Variants in ARHGAP12 observed in about 807,000 individuals in gnomAD.
ARHGAP12 encodes the protein rho GTPase-activating protein 12.
A neutral mutation model predicts 108.6 loss-of-function variants in ARHGAP12; 64 were observed. The ratio of observed to expected loss-of-function variants is 0.59; its 90% CI spans 0.48 to 0.73. The LOEUF (loss-of-function observed/expected upper bound fraction) is 0.73. Ranked by LOEUF, ARHGAP12 falls within the 30% of genes least tolerant of loss-of-function variation. The pLI is 0.00. For missense variants in ARHGAP12, 940 were observed against 1,005.9 expected (o/e 0.93, Z 0.89); for synonymous variants, 312 against 337.2 (o/e 0.93, Z 0.82).
At chr10:31,926,413 TAC>T (rs1258442401) in intron 1 of ARHGAP12, among the ~76,000 whole-genome samples, 1 of 151,898 alleles carries the variant, frequency 6.6e-6, no homozygotes, top group Non-Finnish European at 1.5e-5. Flanking sequence ...CGATTTGAAG[TAC>T]AGTGATGCTA....
At chr10:31,919,542 C>T (rs1181699268) in intron 1 of ARHGAP12, among the ~76,000 whole-genome samples, 4 of 152,094 alleles carry the variant, frequency 2.6e-5, no homozygotes, top group African/African-American at 9.7e-5. Flanking sequence ...CCTGTAATCC[C>T]AGCACTTTGG....
intron 7 of ARHGAP12, among the ~76,000 whole-genome samples, chr10:31,841,842 T>A (rs954201742): frequency 8.5e-5 from 13 of 152,142 alleles, no homozygotes; most frequent in Non-Finnish European, 1.3e-4. Flanking sequence ...CCTTATCACA[T>A]ATTAGCTAGT....
intron 3 of ARHGAP12, among the ~76,000 whole-genome samples, chr10:31,881,386 T>A (rs903853867): frequency 6.6e-6 from 1 of 152,020 alleles, no homozygotes; most frequent in Non-Finnish European, 1.5e-5. Context: ...AAAAAAAACA[T>A]AAAATATCAA....
At chr10:31,912,818 T>C (rs548689841) in intron 1 of ARHGAP12, among the ~76,000 whole-genome samples, 1 of 152,022 alleles carries the variant, frequency 6.6e-6, no homozygotes, top group Non-Finnish European at 1.5e-5. Context: ...GAAAGCCACA[T>C]AGCAGGAACT....
chr10:31,857,155 G>A (rs1836918251), intron 4 of ARHGAP12, among the ~76,000 whole-genome samples: 1 of 152,134 alleles, frequency 6.6e-6, no homozygotes, highest in Non-Finnish European at 1.5e-5. Flanking sequence ...GTTTGGGCAG[G>A]TGAAGGGAGA....
chr10:31,927,827 G>A (rs1840112377), intron 1 of ARHGAP12, among the ~76,000 whole-genome samples: 1 of 152,242 alleles, frequency 6.6e-6, no homozygotes. Flanking sequence ...AGGGTCTGCA[G>A]TCACTTAAGA....
chr10:31,835,216 AAG>A (rs34977698), intron 9 of ARHGAP12, among the ~76,000 whole-genome samples: 30,725 of 143,720 alleles, frequency 0.21, 3,588 homozygotes, highest in Non-Finnish European at 0.28. Context: ...AAAAAAAAAA[AAG>A]AAAAAAATTT....
chr10:31,895,072 T>A (rs1035596269), intron 3 of ARHGAP12, among the ~76,000 whole-genome samples: 6 of 152,196 alleles, frequency 3.9e-5, no homozygotes, highest in African/African-American at 1.4e-4. Flanking sequence ...CTGGATCCCT[T>A]CCTTATACCT....
chr10:31,870,164 A>T (rs1314623938), intron 3 of ARHGAP12, among the ~76,000 whole-genome samples: 2 of 152,144 alleles, frequency 1.3e-5, no homozygotes, highest in Non-Finnish European at 2.9e-5. Flanking sequence ...CATATACAGA[A>T]AAAGACATTT....
intron 10 of ARHGAP12, among the ~76,000 whole-genome samples, chr10:31,831,068 T>C (rs1248457075): frequency 2.0e-5 from 3 of 152,238 alleles, no homozygotes; most frequent in Non-Finnish European, 4.4e-5. Flanking sequence ...AAATGAGTCA[T>C]GCAAGATGCT....
At chr10:31,926,319 G>A (rs1441798119) in intron 1 of ARHGAP12, among the ~76,000 whole-genome samples, 1 of 146,948 alleles carries the variant, frequency 6.8e-6, no homozygotes, top group Non-Finnish European at 1.5e-5. Context: ...CCAATGAGCC[G>A]GGGCCAGCTA....
intron 11 of ARHGAP12, among the ~76,000 whole-genome samples, chr10:31,824,069 T>C (rs1275504586): frequency 6.6e-6 from 1 of 152,172 alleles, no homozygotes; most frequent in Non-Finnish European, 1.5e-5. Context: ...CATAATACAT[T>C]ATACGCACTT....
At position 31,807,605 on chromosome 10, in the gene ARHGAP12, T is replaced by C. The variant is rs376459712; in HGVS notation, c.*53A>G. 3.7e-5 allele frequency: 56 copies of C among 1,533,774 alleles called. No homozygotes were observed. In the South Asian group the frequency reaches 6.8e-4, roughly 19 times the overall value. On this transcript the variant is annotated 3_prime_UTR_variant, in exon 20 of 20. Coordinates refer to ENST00000344936, the MANE Select transcript of ARHGAP12 (RefSeq NM_018287.7). ...AAATAAAATACATTGTGTATAAACA[T>C]TTGAAATCTGATGGAATCCAGCTTC...
chr10:31,889,526 T>C (rs1838326595), intron 3 of ARHGAP12, among the ~76,000 whole-genome samples: 2 of 152,142 alleles, frequency 1.3e-5, no homozygotes, highest in Admixed American at 1.3e-4. Flanking sequence ...TTTAATAACT[T>C]TGAAAGTGTA....
chr10:31,838,485 C>T (rs1297781637), intron 9 of ARHGAP12, among the ~76,000 whole-genome samples: 1 of 152,018 alleles, frequency 6.6e-6, no homozygotes, highest in Non-Finnish European at 1.5e-5. Flanking sequence ...AGTTCAAGAC[C>T]AGCCTGGGCA....
chr10:31,843,735 C>T, intron 6 of ARHGAP12, 149 bp from the exon 7 acceptor site: 1 of 901,554 alleles, frequency 1.1e-6, no homozygotes, highest in South Asian at 2.0e-5. Context: ...CCTCAGTTTT[C>T]TCATCTTTAA....
At chr10:31,849,333 C>G (rs955694206) in intron 6 of ARHGAP12, among the ~76,000 whole-genome samples, 2 of 152,054 alleles carry the variant, frequency 1.3e-5, no homozygotes, top group African/African-American at 4.8e-5. Flanking sequence ...TTCTTTTTTA[C>G]TCAGTTGTCA....
At chr10:31,819,070 T>C (rs1414063853) in intron 12 of ARHGAP12, among the ~76,000 whole-genome samples, 2 of 151,952 alleles carry the variant, frequency 1.3e-5, no homozygotes, top group Admixed American at 6.6e-5. Context: ...AACAAAAAAA[T>C]TGTAATTATC....
At chr10:31,856,338 C>T (rs969610342) in intron 4 of ARHGAP12, among the ~76,000 whole-genome samples, 3 of 152,058 alleles carry the variant, frequency 2.0e-5, no homozygotes, top group African/African-American at 7.2e-5. Flanking sequence ...GTTTTCAAGA[C>T]CACGCAGGAG....
Sources: gnomAD v4.1 joint callset for allele counts (sites outside exome capture counted in the v4.1 genomes callset) on GRCh38, gnomAD v4.1.1 for gene constraint, MANE v1.5 for transcripts, NCBI Gene and HGNC (gene_info 2026-07-23, HGNC 2026-07-21) for gene names.